The following TMED10 variants were observed in gnomAD, a reference collection of about 807,000 sequenced individuals.
TMED10 encodes transmembrane p24 trafficking protein 10.
A neutral mutation model predicts 23.1 loss-of-function variants in TMED10; 7 were observed. That is an observed-to-expected ratio of 0.30 (90% CI 0.17 to 0.57). The LOEUF is 0.57. Among genes scored for constraint, TMED10 ranks in the 20% least tolerant of loss-of-function variants. The pLI is 0.91. For synonymous variants in TMED10, 113 were observed against 106.9 expected (o/e 1.06, Z -0.35); for missense variants, 162 against 274.8 (o/e 0.59, Z 2.90).
chr14:75,139,667 A>G lies in TMED10; in HGVS notation c.412-3781T>C, dbSNP rs528192559. 4.6e-5 allele frequency among the ~76,000 whole-genome samples: 7 copies of G among 151,450 alleles called. No individual in the cohort carries two copies. The South Asian group carries it at 1.5e-3, about 32-fold the overall frequency. The stretch of plus-strand genomic sequence containing the variant: ...AAAAAAAAAAAATCTATTGAATCCC[A>G]TCTTTCATCCAGAAAATTATTTTCA... On this transcript the variant is annotated intron_variant, in intron 3 of 4. Transcript: ENST00000303575.
At chr14:75,175,713 G>C (rs915245490) in intron 1 of TMED10, among the ~76,000 whole-genome samples, 1 of 151,082 alleles carries the variant, frequency 6.6e-6, no homozygotes, top group East Asian at 1.9e-4. Context: ...AAAGTTGTGC[G>C]CATGTACCCT....
At position 75,147,185 on chromosome 14, in the gene TMED10, G is replaced by GTTTT. The variant is rs71119349; in HGVS notation, c.411+475_411+478dup. Among the ~76,000 whole-genome samples, 449 of 116,540 alleles carry GTTTT rather than the reference G, an allele frequency of 3.9e-3. 32 individuals carry two copies. The highest frequency in any genetic ancestry group is 0.016 in the African/African-American group (410 of 26,216). The allele number at this position is 116,540 out of a possible 152,430, so 76.5% of individuals were successfully genotyped here. ...ACAGCCAGAATTATTCTTCAAGGCT[G>GTTTT]TTTTTTTTTTTTTTTTTTTTTGAGA... On this transcript the variant is annotated intron_variant, in intron 3 of 4. Transcript: ENST00000303575.
chr14:75,136,122 C>T (rs1341225826), intron 3 of TMED10, among the ~76,000 whole-genome samples: 3 of 152,126 alleles, frequency 2.0e-5, no homozygotes, highest in Admixed American at 2.0e-4. Context: ...AATATAATAA[C>T]CGTAGGCTAT....
At chr14:75,153,635 A>G (rs1736388839) in intron 1 of TMED10, among the ~76,000 whole-genome samples, 2 of 152,238 alleles carry the variant, frequency 1.3e-5, no homozygotes, top group South Asian at 4.1e-4. Context: ...TGGATGTTCT[A>G]ATGCTATTTG....
Position 75,132,997 on chromosome 14 carries a change from G to GT in TMED10, c.*1887dup, listed in dbSNP as rs1895706101. On this transcript the variant is annotated 3_prime_UTR_variant, in exon 5 of 5. Coordinates refer to ENST00000303575, the MANE Select transcript of TMED10 (RefSeq NM_006827.6). ...TCCACACTTTCTCTTATTTACATTA[G>GT]TTTTGGCCCTTAGGCAACTCATACT... 11 of 152,154 alleles carry GT rather than the reference G, an allele frequency of 7.2e-5. 1 individual carries two copies. The highest frequency in any genetic ancestry group is 6.5e-4 in the Admixed American group (10 of 15,276). 9.4% of individuals were successfully genotyped at this position (152,154 alleles called of 1,614,324 possible). A position where few individuals can be genotyped will look rare whatever the true frequency, so the allele number is the denominator to read the frequency against.
chr14:75,173,803 T>C (rs2139865513), intron 1 of TMED10, among the ~76,000 whole-genome samples: 1 of 152,310 alleles, frequency 6.6e-6, no homozygotes, highest in South Asian at 2.1e-4. Flanking sequence ...CGGTGTCAGC[T>C]CACTGCAGCC....
intron 1 of TMED10, 167 bp downstream of exon 1, chr14:75,176,188 C>A: frequency 1.2e-6 from 1 of 811,896 alleles, no homozygotes; most frequent in Non-Finnish European, 1.9e-6. Flanking sequence ...CGCCCCGCGA[C>A]AGGCAACCAG....
At chr14:75,149,868 G>A (rs1895935392) in intron 2 of TMED10, among the ~76,000 whole-genome samples, 1 of 152,198 alleles carries the variant, frequency 6.6e-6, no homozygotes, top group Admixed American at 6.5e-5. Context: ...ACTTTGGGAG[G>A]CCAAGGCAGG....
chr14:75,148,566 A>G (rs1431701025), intron 2 of TMED10, among the ~76,000 whole-genome samples: 1 of 152,174 alleles, frequency 6.6e-6, no homozygotes, highest in Non-Finnish European at 1.5e-5. Context: ...AAAACTGTTC[A>G]GCCCCAATCC....
rs1440655430 is a variant in TMED10, at chr14:75,133,963, G to A, written c.*922C>T. 5.4e-5 allele frequency: 13 copies of A among 242,942 alleles called. No individual in the cohort carries two copies. Among genetic ancestry groups the A allele is most frequent in the Non-Finnish European group, 8.1e-5 (10 of 122,968 alleles). 15.0% of individuals were successfully genotyped at this position (242,942 alleles called of 1,614,324 possible). On this transcript the variant is annotated 3_prime_UTR_variant, in exon 5 of 5. Coordinates refer to ENST00000303575, the MANE Select transcript of TMED10 (RefSeq NM_006827.6). Reference sequence around the variant, plus strand: ...TGCAACAACTTGGATGGATTTCAAGGGAATTATGCTGAATGAAAAAAGATC... The same window carrying A: ...TGCAACAACTTGGATGGATTTCAAGAGAATTATGCTGAATGAAAAAAGATC...
intron 1 of TMED10, among the ~76,000 whole-genome samples, chr14:75,153,921 G>A (rs1019843583): frequency 1.3e-5 from 2 of 151,046 alleles, no homozygotes; most frequent in Non-Finnish European, 3.0e-5. Context: ...AGGCACCCAC[G>A]ACCATGCCCA....
intron 1 of TMED10, among the ~76,000 whole-genome samples, chr14:75,173,134 C>T (rs568903802): frequency 7.7e-4 from 118 of 152,280 alleles, no homozygotes; most frequent in Non-Finnish European, 4.0e-4. Flanking sequence ...GCCTGTAATC[C>T]GAGCACTTTG....
intron 2 of TMED10, among the ~76,000 whole-genome samples, chr14:75,151,649 CCAGAGTGGTA>C (rs1173031986): frequency 6.6e-6 from 1 of 152,222 alleles, no homozygotes; most frequent in Non-Finnish European, 1.5e-5. Context: ...CCATTTCCCA[CCAGAGTGGTA>C]CATTCATTAC....
intron 2 of TMED10, among the ~76,000 whole-genome samples, chr14:75,151,459 T>A (rs1341410101): frequency 6.6e-6 from 1 of 152,222 alleles, no homozygotes; most frequent in Non-Finnish European, 1.5e-5. Context: ...CCTTCAGTGA[T>A]CTGCCTGCCT....
At chr14:75,143,192 GA>G (rs1315156658) in intron 3 of TMED10, among the ~76,000 whole-genome samples, 1 of 152,112 alleles carries the variant, frequency 6.6e-6, no homozygotes, top group East Asian at 1.9e-4. Flanking sequence ...CCGCCTAGGA[GA>G]AAGCCTTCTC....
In TMED10 at chr14:75,132,395, C is replaced by CG. The variant is rs1566667161; in HGVS notation, c.*2489_*2490insC. ...GCAGCAAGACTCCGTCCCCCCCCCCCCAAAAAAAAAAAAGTTTAAGGATGT... is the reference window on the plus strand; with the variant it reads ...GCAGCAAGACTCCGTCCCCCCCCCCCGCAAAAAAAAAAAAGTTTAAGGATGT... On this transcript the variant is annotated 3_prime_UTR_variant, in exon 5 of 5. Transcript: ENST00000303575. 1.7e-5 allele frequency: 2 copies of CG among 118,084 alleles called. No homozygotes were observed. Among genetic ancestry groups the CG allele is most frequent in the Admixed American group, 8.0e-5 (1 of 12,524 alleles). 7.3% of individuals were successfully genotyped at this position (118,084 alleles called of 1,614,324 possible).
intron 1 of TMED10, chr14:75,175,945 A>G (rs1896299582): frequency 4.3e-6 from 1 of 234,240 alleles, no homozygotes; most frequent in Non-Finnish European, 8.6e-6. Flanking sequence ...CATTTTATTA[A>G]TCACGGTTAG....
intron 1 of TMED10, among the ~76,000 whole-genome samples, chr14:75,154,861 C>G (rs1386162484): frequency 6.6e-6 from 1 of 151,354 alleles, no homozygotes. Context: ...GACGGGGTTT[C>G]ACCGTGTTAG....
At chr14:75,163,727 CCTTAA>C (rs1040261458) in intron 1 of TMED10, among the ~76,000 whole-genome samples, 1 of 151,972 alleles carries the variant, frequency 6.6e-6, no homozygotes, top group Non-Finnish European at 1.5e-5. Context: ...TGGGCATGTT[CCTTAA>C]CTTGTCTACC....
Sources: allele counts gnomAD v4.1 joint callset (sites outside exome capture counted in the v4.1 genomes callset), GRCh38; gene constraint gnomAD v4.1.1; transcripts MANE v1.5; gene names NCBI Gene and HGNC (gene_info 2026-07-23, HGNC 2026-07-21).